Variants in ZNF462 observed in about 807,000 individuals in gnomAD.
The protein encoded by ZNF462 is zinc finger protein 462, also known as zinc finger PBX1-interacting protein.
A neutral mutation model predicts 201.9 loss-of-function variants in ZNF462; 10 were observed. The observed-to-expected ratio is 0.05, with a 90% CI of 0.03 to 0.08. The LOEUF (loss-of-function observed/expected upper bound fraction) is 0.08. ZNF462 is among the 10% of genes least tolerant of loss of function. The pLI, the probability that ZNF462 is intolerant of heterozygous loss-of-function variation, is 1.00. For synonymous variants in ZNF462, 1,227 were observed against 1,193.3 expected (o/e 1.03, Z -0.58); for missense variants, 2,523 against 3,168.3 (o/e 0.80, Z 4.89).
chr9:106,957,627 C>T (rs1831639581), intron 7 of ZNF462, among the ~76,000 whole-genome samples: 1 of 151,998 alleles, frequency 6.6e-6, no homozygotes, highest in South Asian at 2.1e-4. Context: ...TTATAAAAAG[C>T]TAAGACATCC....
intron 7 of ZNF462, among the ~76,000 whole-genome samples, chr9:106,969,508 G>T (rs770253957): frequency 1.3e-5 from 2 of 152,162 alleles, no homozygotes; most frequent in Non-Finnish European, 2.9e-5. Flanking sequence ...ACAGATCAGT[G>T]CATGTGTTGA....
upstream of ZNF462, chr9:106,863,039 G>T: frequency 2.5e-6 from 1 of 396,826 alleles, no homozygotes. Context: ...GAGAGCGCGC[G>T]AGGGAGAGGG....
rs1830132000 is a variant in ZNF462, at chr9:106,924,967, A to T, written c.1055A>T (p.His352Leu). Residue 352 changes from histidine (H) to leucine (L), a missense_variant, in exon 3 of 13, where the codon CAC (histidine) becomes CTC (leucine). Physicochemically the swap from His to Leu is moderately conservative, Grantham distance 99 (BLOSUM62 -3). Transcript: ENST00000277225. The surrounding 1 kb of genome is among the most constrained non-coding windows in gnomAD (Gnocchi z 6.2). The part of the protein sequence containing the change: ...SYPQMKPKSP[H>L]NSGLVNLTER... ...CCTCAGATGAAGCCGAAGTCACCTC[A>T]CAATTCTGGTCTAGTTAACTTGACA... The T allele has an allele frequency of 1.2e-6, 2 of 1,614,056 alleles. No individual in the cohort carries two copies. Among genetic ancestry groups the T allele is most frequent in the South Asian group, 2.2e-5 (2 of 91,076 alleles).
intron 10 of ZNF462, among the ~76,000 whole-genome samples, chr9:106,991,571 C>T (rs1828271330): frequency 6.6e-6 from 1 of 151,686 alleles, no homozygotes; most frequent in South Asian, 2.1e-4. Context: ...ATGCAAATGA[C>T]CTATAGAATA....
chr9:106,919,176 TGAG>T lies in ZNF462; in HGVS notation c.-30-4175_-30-4173del, dbSNP rs1462288162. Among the ~76,000 whole-genome samples, 2 of 152,246 alleles carry T rather than the reference TGAG, an allele frequency of 1.3e-5. No homozygotes were observed. The highest frequency in any genetic ancestry group is 2.9e-5 in the Non-Finnish European group (2 of 68,042). On this transcript the variant is annotated intron_variant, in intron 1 of 12. Transcript: ENST00000277225. The surrounding 1 kb of genome is among the most constrained non-coding windows in gnomAD (Gnocchi z 4.5). ...CCTGAAGAGAGCTGGGATTTTGACT[TGAG>T]GACCACATTTATGCTCCTGGGCCCT...
intron 11 of ZNF462, among the ~76,000 whole-genome samples, chr9:107,004,392 G>T (rs1415575788): frequency 6.6e-6 from 1 of 151,798 alleles, no homozygotes; most frequent in Admixed American, 6.6e-5. Flanking sequence ...TGTACATTTA[G>T]CCTGCTTGAA....
Position 106,925,416 on chromosome 9 carries a change from G to A in ZNF462, c.1504G>A (p.Val502Met). ...HTGTTSDWDAVNSQSESISSS... is the reference protein window; with the variant it reads ...HTGTTSDWDAMNSQSESISSS... ...GGGTACAACGTCAGATTGGGATGCT[G>A]TGAATTCCCAGAGTGAAAGCATTTC... The change falls in exon 3 of 13, where the codon GTG (valine) becomes ATG (methionine). Residue 502 changes from valine (V) to methionine (M), a missense_variant. Around this residue, in one of 15 missense-constraint regions of ZNF462, gnomAD observed 383 missense variants for 453.4 expected, o/e 0.84. Coordinates refer to ENST00000277225, the MANE Select transcript of ZNF462 (RefSeq NM_021224.6). The surrounding 1 kb of genome is among the most constrained non-coding windows in gnomAD (Gnocchi z 7.9). 6.2e-7 allele frequency: 1 copy of A among 1,614,232 alleles called. No homozygotes were observed. The highest frequency in any genetic ancestry group is 1.1e-5 in the South Asian group (1 of 91,084).
intron 7 of ZNF462, among the ~76,000 whole-genome samples, chr9:106,946,673 T>A (rs1329240428): frequency 6.6e-6 from 1 of 152,000 alleles, no homozygotes; most frequent in Non-Finnish European, 1.5e-5. Context: ...ATAATTTTTT[T>A]AAAAGTGTGA....
intron 1 of ZNF462, among the ~76,000 whole-genome samples, chr9:106,899,091 G>A (rs1378830724): frequency 6.6e-6 from 1 of 151,948 alleles, no homozygotes; most frequent in Admixed American, 6.6e-5. Flanking sequence ...AGTTTGTCAA[G>A]GATTCATGTA....
Position 106,923,236 on chromosome 9 carries a change from A to G in ZNF462, c.-30-118A>G. 2.8e-6 allele frequency: 2 copies of G among 717,314 alleles called. No individual in the cohort carries two copies. Among genetic ancestry groups the G allele is most frequent in the Non-Finnish European group, 4.7e-6 (2 of 426,840 alleles). The allele number at this position is 717,314 out of a possible 1,614,324, so 44.4% of individuals were successfully genotyped here. A position where few individuals can be genotyped will look rare whatever the true frequency, so the allele number is the denominator to read the frequency against. ...GCCAATGTTCCAACTGGCAAAGTCCAATAAGAGAAATCTACTGATACTGGA... is the reference window on the plus strand; with the variant it reads ...GCCAATGTTCCAACTGGCAAAGTCCGATAAGAGAAATCTACTGATACTGGA... On this transcript the variant is annotated intron_variant, in intron 1 of 12. Transcript: ENST00000277225. This position sits in a 1 kb window ranked among gnomAD's most constrained non-coding sequence, Gnocchi z 5.6.
chr9:106,926,093 G>T lies in ZNF462; in HGVS notation c.2181G>T (p.Glu727Asp). The T allele has an allele frequency of 6.2e-7, 1 of 1,614,210 alleles. No individual in the cohort carries two copies. Among genetic ancestry groups the T allele is most frequent in the Non-Finnish European group, 8.5e-7 (1 of 1,180,042 alleles). The change falls in exon 3 of 13, where the codon GAG becomes GAT. Residue 727 changes from glutamate to aspartate, a missense_variant. Physicochemically the swap from Glu to Asp is conservative, Grantham distance 45. This residue lies in a region of ZNF462 where 383 missense variants were observed against 453.4 expected (regional missense o/e 0.84). Transcript: ENST00000277225. The surrounding 1 kb of genome is among the most constrained non-coding windows in gnomAD (Gnocchi z 7.9). ...VINVEDDEEE[E>D]EDNEVEIEVE... ...ATGTTGAGGATGATGAAGAGGAAGA[G>T]GAAGACAACGAAGTCGAGATAGAGG...
chr9:106,954,384 A>G lies in ZNF462; in HGVS notation c.6427+15277A>G, dbSNP rs1831485239. 2.6e-5 allele frequency among the ~76,000 whole-genome samples: 4 copies of G among 152,058 alleles called. No individual in the cohort carries two copies. Among genetic ancestry groups the G allele is most frequent in the African/African-American group, 9.7e-5 (4 of 41,388 alleles). On this transcript the variant is annotated intron_variant, in intron 7 of 12. Coordinates refer to ENST00000277225, the MANE Select transcript of ZNF462 (RefSeq NM_021224.6). This position sits in a 1 kb window ranked among gnomAD's most constrained non-coding sequence, Gnocchi z 4.0. The stretch of plus-strand genomic sequence containing the variant: ...ACTCACTTACTGTCACAAGAATAGC[A>G]TGGAGGAAACTGTCCCCATGATCCA...
At chr9:106,961,141 T>G (rs1831820253) in intron 7 of ZNF462, among the ~76,000 whole-genome samples, 1 of 152,098 alleles carries the variant, frequency 6.6e-6, no homozygotes, top group South Asian at 2.1e-4. Context: ...CCATTACACC[T>G]GAGCATCTCA....
chr9:106,867,974 G>T (rs1827416728), intron 1 of ZNF462, among the ~76,000 whole-genome samples: 1 of 151,898 alleles, frequency 6.6e-6, no homozygotes, highest in Admixed American at 6.6e-5. Flanking sequence ...GACTCTTACT[G>T]CTAAGGATCT....
chr9:106,933,841 G>A lies in ZNF462; in HGVS notation c.6116+1292G>A, dbSNP rs1830520333. ...GAATAGTTTGGAAAGGACATATGATGTAGAGGAAAAGCTGAGGGAGGAGAC... is the reference window on the plus strand; with the variant it reads ...GAATAGTTTGGAAAGGACATATGATATAGAGGAAAAGCTGAGGGAGGAGAC... On this transcript the variant is annotated intron_variant, in intron 5 of 12. Coordinates refer to ENST00000277225, the MANE Select transcript of ZNF462 (RefSeq NM_021224.6). This position sits in a 1 kb window ranked among gnomAD's most constrained non-coding sequence, Gnocchi z 4.3. 6.6e-6 allele frequency among the ~76,000 whole-genome samples: 1 copy of A among 152,170 alleles called. No individual in the cohort carries two copies. Among genetic ancestry groups the A allele is most frequent in the Non-Finnish European group, 1.5e-5 (1 of 68,034 alleles).
chr9:106,901,181 C>T (rs1829049395), intron 1 of ZNF462, among the ~76,000 whole-genome samples: 1 of 152,120 alleles, frequency 6.6e-6, no homozygotes, highest in Non-Finnish European at 1.5e-5. Flanking sequence ...GATGTTCTTT[C>T]CCCACTTTAT....
At position 106,936,593 on chromosome 9, in the gene ZNF462, C is replaced by CG. The variant is rs1490060403; in HGVS notation, c.6235+972_6235+973insG. 2.0e-5 allele frequency among the ~76,000 whole-genome samples: 3 copies of CG among 152,190 alleles called. No individual in the cohort carries two copies. In the East Asian group the frequency reaches 5.8e-4, roughly 29 times the overall value. On this transcript the variant is annotated intron_variant, in intron 6 of 12. Transcript: ENST00000277225. ...GGAAGTTAGCTATAGGGGCTTTTCT[C>CG]TATCTTTTTGTATTTTTCTGTCTCT... is the stretch of plus-strand genomic sequence containing the variant.
At chr9:106,862,542 T>C (rs1827102078), upstream of ZNF462, among the ~76,000 whole-genome samples, 1 of 146,722 alleles carries the variant, frequency 6.8e-6, no homozygotes. The surrounding 1 kb of genome is among the most constrained non-coding windows in gnomAD (Gnocchi z 4.2). Context: ...CCTTCTCCTT[T>C]GCCTCCTTCT....
In ZNF462 at chr9:106,941,311, G is replaced by C. The variant is rs184566704; in HGVS notation, c.6427+2204G>C. On this transcript the variant is annotated intron_variant, in intron 7 of 12. Coordinates refer to ENST00000277225, the MANE Select transcript of ZNF462 (RefSeq NM_021224.6). ...ATCAACTGTTTAGATGATACTATTA[G>C]CGCTTACATTTGAGCTAACCATAAC... Among the ~76,000 whole-genome samples, 4 of 152,274 alleles carry C rather than the reference G, an allele frequency of 2.6e-5. No homozygotes were observed. In the East Asian group the frequency reaches 7.7e-4, roughly 29 times the overall value.
Sources: allele counts gnomAD v4.1 joint callset (sites outside exome capture counted in the v4.1 genomes callset), GRCh38; gene constraint gnomAD v4.1.1; regional missense constraint gnomAD v4.1.1; non-coding constraint Gnocchi (gnomAD v3.1); transcripts MANE v1.5; gene names NCBI Gene and HGNC (gene_info 2026-07-23, HGNC 2026-07-21).